The following ARIH1 variants were observed in gnomAD, a reference collection of about 807,000 sequenced individuals.
ARIH1 encodes E3 ubiquitin-protein ligase ARIH1.
Under a neutral mutation model 85.0 loss-of-function variants are expected in ARIH1, and 8 were observed. The ratio of observed to expected loss-of-function variants is 0.09; its 90% confidence interval spans 0.06 to 0.17. The LOEUF (loss-of-function observed/expected upper bound fraction) is 0.17. ARIH1 is among the 10% of genes least tolerant of loss of function. The pLI is 1.00. For missense variants in ARIH1, 311 were observed against 718.1 expected (o/e 0.43, Z 6.48); for synonymous variants, 238 against 253.6 (o/e 0.94, Z 0.59).
chr15:72,524,566 CAAG>C (rs1022262141), intron 2 of ARIH1, among the ~76,000 whole-genome samples: 1 of 152,064 alleles, frequency 6.6e-6, no homozygotes, highest in Non-Finnish European at 1.5e-5. Flanking sequence ...AATTGTCCCT[CAAG>C]AAGAAGTAGA....
At chr15:72,574,024 G>A (rs2064259493) in intron 11 of ARIH1, among the ~76,000 whole-genome samples, 2 of 151,996 alleles carry the variant, frequency 1.3e-5, no homozygotes, top group African/African-American at 4.8e-5. Context: ...ATGGATATAT[G>A]TTCTTATCAC....
chr15:72,571,815 T>C (rs2064248739), intron 10 of ARIH1, among the ~76,000 whole-genome samples: 1 of 152,212 alleles, frequency 6.6e-6, no homozygotes, highest in South Asian at 2.1e-4. Context: ...ATAGGTGAGC[T>C]GATTTGAAAT....
Position 72,509,415 on chromosome 15 carries a change from T to G in ARIH1, c.376-8652T>G, listed in dbSNP as rs1190549785. 2.6e-5 allele frequency among the ~76,000 whole-genome samples: 4 copies of G among 152,200 alleles called. No homozygotes were observed. In the East Asian group the frequency reaches 7.7e-4, roughly 29 times the overall value. On this transcript the variant is annotated intron_variant, in intron 1 of 13. Coordinates refer to ENST00000379887, the MANE Select transcript of ARIH1 (RefSeq NM_005744.5). ...CTGGAGCATACAGTTCTCTGAGTTT[T>G]GATAAATGCCTAGAGTTGTGTAAAC...
At chr15:72,554,347 G>T (rs995735864) in intron 3 of ARIH1, among the ~76,000 whole-genome samples, 1 of 152,024 alleles carries the variant, frequency 6.6e-6, no homozygotes, top group African/African-American at 2.4e-5. Flanking sequence ...GTGTACGAAG[G>T]CTCCAATTTT....
intron 1 of ARIH1, among the ~76,000 whole-genome samples, chr15:72,501,744 C>G (rs1436759745): frequency 6.6e-6 from 1 of 152,202 alleles, no homozygotes; most frequent in Non-Finnish European, 1.5e-5. Flanking sequence ...AATCATCTCA[C>G]AATTCTAATC....
intron 1 of ARIH1, among the ~76,000 whole-genome samples, chr15:72,490,815 A>G (rs1002409572): frequency 1.3e-5 from 2 of 152,166 alleles, no homozygotes; most frequent in African/African-American, 4.8e-5. Context: ...TTTGAGTCCC[A>G]GTGACTAAAC....
chr15:72,488,314 C>T (rs1179720928), intron 1 of ARIH1, among the ~76,000 whole-genome samples: 6 of 152,218 alleles, frequency 3.9e-5, no homozygotes, highest in East Asian at 3.9e-4. Flanking sequence ...TGGACTCAAA[C>T]GATCTTCCCA....
In ARIH1 at chr15:72,505,689, C is replaced by T. The variant is rs113234327; in HGVS notation, c.376-12378C>T. ...AAAGGTTTGACCAAAGTTGCCATCT[C>T]ATTAACAAATTATGACCTGTTTCTC... is the stretch of plus-strand genomic sequence containing the variant. On this transcript the variant is annotated intron_variant, in intron 1 of 13. Transcript: ENST00000379887. Among the ~76,000 whole-genome samples, 641 of 152,266 alleles carry T rather than the reference C, an allele frequency of 4.2e-3. 3 individuals are homozygous for T. Among genetic ancestry groups the T allele is most frequent in the Middle Eastern group, 0.01 (3 of 294 alleles).
chr15:72,546,254 T>G (rs1466759702), intron 3 of ARIH1, among the ~76,000 whole-genome samples: 1 of 152,196 alleles, frequency 6.6e-6, no homozygotes, highest in Non-Finnish European at 1.5e-5. Flanking sequence ...CTTAGAGTTG[T>G]ATATGTGTAT....
chr15:72,543,250 G>A (rs1246704407), intron 2 of ARIH1, among the ~76,000 whole-genome samples: 2 of 151,904 alleles, frequency 1.3e-5, no homozygotes, highest in South Asian at 2.1e-4. Flanking sequence ...CCAGCTACTC[G>A]GGAGGCTGAG....
intron 6 of ARIH1, among the ~76,000 whole-genome samples, chr15:72,561,870 G>A (rs2064198924): frequency 6.6e-6 from 1 of 152,212 alleles, no homozygotes; most frequent in African/African-American, 2.4e-5. Context: ...CTACTCGGGA[G>A]GCTGAGGCAG....
chr15:72,532,352 G>A (rs2140418081), intron 2 of ARIH1, among the ~76,000 whole-genome samples: 1 of 151,886 alleles, frequency 6.6e-6, no homozygotes, highest in South Asian at 2.1e-4. Context: ...TAGATTCCTA[G>A]AAATAGGCAA....
At chr15:72,555,763 T>G in intron 4 of ARIH1, 89 bp from the exon 5 acceptor site, 2 of 1,065,924 alleles carry the variant, frequency 1.9e-6, no homozygotes, top group Non-Finnish European at 2.9e-6. Flanking sequence ...CATTAAGGTA[T>G]TCCCAGAACC....
chr15:72,497,322 C>G (rs1436578905), intron 1 of ARIH1, among the ~76,000 whole-genome samples: 1 of 152,062 alleles, frequency 6.6e-6, no homozygotes, highest in Non-Finnish European at 1.5e-5. Flanking sequence ...TGAAAATAAT[C>G]TAAATCTTCC....
intron 5 of ARIH1, among the ~76,000 whole-genome samples, chr15:72,556,135 G>C (rs1454736244): frequency 1.3e-5 from 2 of 152,118 alleles, no homozygotes; most frequent in Admixed American, 6.6e-5. Flanking sequence ...ATAAACCTTG[G>C]GATTGGAGAT....
intron 2 of ARIH1, among the ~76,000 whole-genome samples, chr15:72,521,221 G>T (rs1243093289): frequency 1.8e-5 from 2 of 113,776 alleles, no homozygotes; most frequent in African/African-American, 7.1e-5. Context: ...CCCTTTTCTG[G>T]CTAATTCGCT....
chr15:72,523,506 C>T (rs2064009976), intron 2 of ARIH1, among the ~76,000 whole-genome samples: 1 of 130,244 alleles, frequency 7.7e-6, no homozygotes, highest in South Asian at 2.7e-4. Context: ...GATGAATAGT[C>T]AACAGCACAG....
At chr15:72,552,884 C>T (rs967169766) in intron 3 of ARIH1, among the ~76,000 whole-genome samples, 1 of 151,634 alleles carries the variant, frequency 6.6e-6, no homozygotes, top group Admixed American at 6.6e-5. Context: ...AAGCGATTCT[C>T]CTGCCTCAGC....
At chr15:72,537,108 G>GTT (rs1334022000) in intron 2 of ARIH1, among the ~76,000 whole-genome samples, 1 of 151,816 alleles carries the variant, frequency 6.6e-6, no homozygotes, top group Non-Finnish European at 1.5e-5. Context: ...TGTTGTTGTT[G>GTT]TTGTTGTTGT....
Sources: allele counts gnomAD v4.1 joint callset (sites outside exome capture counted in the v4.1 genomes callset), GRCh38; gene constraint gnomAD v4.1.1; transcripts MANE v1.5; gene names NCBI Gene and HGNC (gene_info 2026-07-23, HGNC 2026-07-21).